Variants in FLYWCH1 observed in about 807,000 individuals in gnomAD.
FLYWCH1 encodes the protein FLYWCH-type zinc finger-containing protein 1.
In FLYWCH1, 75 loss-of-function variants were observed where a neutral mutation model predicts 66.4. The observed-to-expected ratio is 1.13, with a 90% CI of 0.94 to 1.37. The LOEUF (loss-of-function observed/expected upper bound fraction) is 1.37, where lower values mean the gene tolerates loss of function less well. Among genes scored for constraint, FLYWCH1 ranks in the 40% most tolerant of loss-of-function variants. The pLI, the probability that FLYWCH1 is intolerant of heterozygous loss-of-function variation, is 0.00. For synonymous variants in FLYWCH1, 595 were observed against 429.9 expected, an observed-to-expected ratio of 1.38 and a Z score of -4.75; for missense variants, 1,334 against 1,001.8, an observed-to-expected ratio of 1.33 and a Z score of -4.48.
chr16:2,922,900 C>G, intron 2 of FLYWCH1: 2 of 523,328 alleles, frequency 3.8e-6, no homozygotes, highest in South Asian at 1.4e-5. Context: ...AATTGATGAT[C>G]GCATAGTGGT....
chr16:2,915,087 A>C (rs2070123334), intron 2 of FLYWCH1: 1 of 150,946 alleles, frequency 6.6e-6, no homozygotes, highest in Non-Finnish European at 1.5e-5. Flanking sequence ...TATTGAATTT[A>C]TTAAATAATA....
chr16:2,934,606 C>T lies in FLYWCH1; in HGVS notation c.1513+627C>T, dbSNP rs115404507. 1.3e-3 allele frequency: 588 copies of T among 456,306 alleles called. 2 individuals are homozygous for T. The highest frequency in any genetic ancestry group is 8.3e-3 in the African/African-American group (415 of 50,184). The allele number at this position is 456,306 out of a possible 1,614,324, so 28.3% of individuals were successfully genotyped here. ...CCTCCACTCACCTGCTCTTCCTTCA[C>T]GCCCCAAGGCGCTGGCCTCTCTTTC... On this transcript the variant is annotated intron_variant, in intron 6 of 9. Transcript: ENST00000253928.
At chr16:2,914,659 G>A (rs2070105238) in intron 2 of FLYWCH1, among the ~76,000 whole-genome samples, 1 of 152,132 alleles carries the variant, frequency 6.6e-6, no homozygotes, top group Non-Finnish European at 1.5e-5. Context: ...AGCACTTTGG[G>A]AGGCTGAGGT....
chr16:2,945,632 CAA>C (rs34393477), intron 9 of FLYWCH1, among the ~76,000 whole-genome samples: 39,367 of 111,840 alleles, frequency 0.35, 6,218 homozygotes, highest in African/African-American at 0.47. Context: ...GACTACATCT[CAA>C]AAAAAAAAAA....
intron 2 of FLYWCH1, among the ~76,000 whole-genome samples, chr16:2,924,101 C>A (rs1269370319): frequency 6.6e-6 from 1 of 151,984 alleles, no homozygotes. Context: ...GAGGCCGAGG[C>A]AGGCGGATCA....
intron 9 of FLYWCH1, among the ~76,000 whole-genome samples, chr16:2,940,537 G>A (rs572283692): frequency 3.9e-5 from 6 of 152,322 alleles, no homozygotes; most frequent in African/African-American, 1.2e-4. Flanking sequence ...CCGGGTTCAA[G>A]CAATTCTCCT....
intron 2 of FLYWCH1, among the ~76,000 whole-genome samples, chr16:2,919,918 A>G (rs184185692): frequency 1.3e-5 from 2 of 152,076 alleles, no homozygotes; most frequent in East Asian, 3.9e-4. Flanking sequence ...GTCCTGCCTT[A>G]TGTAATGGTC....
At chr16:2,915,683 G>C (rs747420273) in intron 2 of FLYWCH1, among the ~76,000 whole-genome samples, 1 of 151,380 alleles carries the variant, frequency 6.6e-6, no homozygotes, top group Non-Finnish European at 1.5e-5. Context: ...CAAGGTGGGC[G>C]GATCACGGGA....
At chr16:2,917,028 C>T (rs2070193751) in intron 2 of FLYWCH1, among the ~76,000 whole-genome samples, 1 of 150,176 alleles carries the variant, frequency 6.7e-6, no homozygotes, top group Non-Finnish European at 1.5e-5. Flanking sequence ...TGGTAGCGCG[C>T]ACCTGTAATC....
intron 2 of FLYWCH1, among the ~76,000 whole-genome samples, chr16:2,919,289 G>C (rs1252454045): frequency 4.2e-5 from 6 of 142,062 alleles, no homozygotes; most frequent in Admixed American, 3.6e-4. Context: ...TTTTTGAGAC[G>C]GAGTCTTGCT....
chr16:2,930,098 G>A (rs2070709322), intron 3 of FLYWCH1, 88 bp downstream of exon 3: 1 of 1,188,014 alleles, frequency 8.4e-7, no homozygotes, highest in Non-Finnish European at 1.2e-6. Context: ...CAAGCATAGT[G>A]TCTTGTCCTT....
At position 2,933,700 on chromosome 16, in the gene FLYWCH1, T is replaced by C. The variant is rs1472158993; in HGVS notation, c.1250-16T>C. 3.1e-6 allele frequency: 5 copies of C among 1,607,296 alleles called. No individual in the cohort carries two copies. The highest frequency in any genetic ancestry group is 3.4e-6 in the Non-Finnish European group (4 of 1,176,486). ...GCCCCTGTCCCCTCCCCTGACTGCC[T>C]CTTGAACCTCCCCAGGAGGCCCTGA... On this transcript the variant is annotated splice_polypyrimidine_tract_variant and intron_variant, in intron 5 of 9. Transcript: ENST00000253928.
In FLYWCH1 at chr16:2,933,848, G is replaced by A. The variant is rs914431330; in HGVS notation, c.1382G>A (p.Arg461His). Reference protein sequence around the residue: ...TCRDQARMGCRSRAITQGRRV... With the variant: ...TCRDQARMGCHSRAITQGRRV... ...CGGGACCAGGCCCGCATGGGCTGCC[G>A]CAGCCGCGCCATCACCCAGGGCCGA... Residue 461 changes from arginine (R) to histidine (H), a missense_variant, in exon 6 of 10, where the codon CGC becomes CAC. Transcript: ENST00000253928. The A allele has an allele frequency of 5.6e-5, 90 of 1,607,086 alleles. No individual in the cohort carries two copies. The highest frequency in any genetic ancestry group is 6.5e-5 in the Non-Finnish European group (77 of 1,177,288).
chr16:2,930,420 G>A lies in FLYWCH1; in HGVS notation c.336G>A (p.Gln112=). 1 of 1,465,656 alleles carries A rather than the reference G, an allele frequency of 6.8e-7. No homozygotes were observed. Among genetic ancestry groups the A allele is most frequent in the Non-Finnish European group, 9.0e-7 (1 of 1,108,566 alleles). 90.8% of individuals were successfully genotyped at this position (1,465,656 alleles called of 1,614,324 possible). Residue 112 remains glutamine (Q), a synonymous_variant, in exon 4 of 10, where the codon CAG becomes CAA. Coordinates refer to ENST00000253928, the MANE Select transcript of FLYWCH1 (RefSeq NM_001308068.2). ...KCSKLDAAAP[Q]SLEFLRTPFG... ...TTCCCGTTCCCCCAGCAGCCCCTCA[G>A]TCCCTGGAGTTCCTGAGGACACCAT...
At chr16:2,921,032 G>A (rs2070355781) in intron 2 of FLYWCH1, among the ~76,000 whole-genome samples, 1 of 151,732 alleles carries the variant, frequency 6.6e-6, no homozygotes, top group Non-Finnish European at 1.5e-5. Context: ...TAGTAGAGAC[G>A]GGGTTTCACT....
chr16:2,938,555 C>G (rs1366235441), intron 8 of FLYWCH1, 99 bp downstream of exon 8: 1 of 945,480 alleles, frequency 1.1e-6, no homozygotes, highest in Non-Finnish European at 1.5e-6. Context: ...GAGCAGACTG[C>G]TTTTGTGCAC....
At chr16:2,925,685 C>T (rs1314825072) in intron 2 of FLYWCH1, among the ~76,000 whole-genome samples, 1 of 152,090 alleles carries the variant, frequency 6.6e-6, no homozygotes, top group African/African-American at 2.4e-5. Context: ...CTCGTGTCAC[C>T]CTGTGGGGCG....
intron 9 of FLYWCH1, among the ~76,000 whole-genome samples, chr16:2,946,724 A>C (rs971906808): frequency 6.6e-6 from 1 of 152,220 alleles, no homozygotes; most frequent in African/African-American, 2.4e-5. Flanking sequence ...CATGAATTCA[A>C]AGATATACAA....
chr16:2,933,937 C>G lies in FLYWCH1; in HGVS notation c.1471C>G (p.Gln491Glu), dbSNP rs770932659. ...PDLGGLEALR[Q>E]REKRPNTAQR... ...CCTGGGAGGCCTGGAGGCCCTGAGG[C>G]AGCGGGAGAAACGCCCCAACACGGC... Residue 491 changes from glutamine (Q) to glutamate (E), a missense_variant, in exon 6 of 10, where the codon CAG (glutamine) becomes GAG (glutamate). Coordinates refer to ENST00000253928, the MANE Select transcript of FLYWCH1 (RefSeq NM_001308068.2). 2.6e-6 allele frequency: 4 copies of G among 1,565,388 alleles called. No homozygotes were observed. The South Asian group carries it at 4.7e-5, about 18-fold the overall frequency.
Sources: gnomAD v4.1 joint callset for allele counts (sites outside exome capture counted in the v4.1 genomes callset) on GRCh38, gnomAD v4.1.1 for gene constraint, MANE v1.5 for transcripts, NCBI Gene and HGNC (gene_info 2026-07-23, HGNC 2026-07-21) for gene names.